The following CCDC171 variants were observed in gnomAD, a reference collection of about 807,000 sequenced individuals.
CCDC171 encodes coiled-coil domain containing 171.
In CCDC171, 177 loss-of-function variants were observed where a neutral mutation model predicts 168.2. That is an observed-to-expected ratio of 1.05 (90% CI 0.93 to 1.19). The LOEUF (loss-of-function observed/expected upper bound fraction) is 1.19, where lower values mean the gene tolerates loss of function less well. Ranked by LOEUF, CCDC171 falls within the 50% of genes most tolerant of loss-of-function variation. CCDC171 has a pLI of 0.00. For synonymous variants in CCDC171, 687 were observed against 540.8 expected, an observed-to-expected ratio of 1.27 and a Z score of -3.75; for missense variants, 1,991 against 1,539.0, an observed-to-expected ratio of 1.29 and a Z score of -4.91.
At chr9:15,628,838 A>C (rs897782135) in intron 7 of CCDC171, among the ~76,000 whole-genome samples, 5 of 152,190 alleles carry the variant, frequency 3.3e-5, no homozygotes, top group African/African-American at 1.2e-4. Flanking sequence ...CAAAACTTCC[A>C]GAGGAACGAT....
At chr9:15,751,239 T>C (rs529044828) in intron 18 of CCDC171, among the ~76,000 whole-genome samples, 1 of 152,296 alleles carries the variant, frequency 6.6e-6, no homozygotes, top group East Asian at 1.9e-4. Context: ...GAAGGACCTC[T>C]TCAAGGAGAA....
intron 6 of CCDC171, among the ~76,000 whole-genome samples, chr9:15,618,315 C>T (rs965106590): frequency 6.6e-6 from 1 of 152,208 alleles, no homozygotes; most frequent in Non-Finnish European, 1.5e-5. Context: ...CTCCTTAGCA[C>T]TATCAGGAGA....
At chr9:15,908,106 AG>A (rs747702276) in intron 24 of CCDC171, among the ~76,000 whole-genome samples, 2 of 151,582 alleles carry the variant, frequency 1.3e-5, no homozygotes, top group Non-Finnish European at 2.9e-5. Context: ...GCGATTCCTC[AG>A]GGATCTAGAA....
intron 1 of CCDC171, among the ~76,000 whole-genome samples, chr9:16,047,574 A>G (rs1833681208): frequency 1.3e-5 from 2 of 152,198 alleles, no homozygotes; most frequent in Admixed American, 1.3e-4. Context: ...GACCATCACC[A>G]AATTCTATTT....
intron 7 of CCDC171, among the ~76,000 whole-genome samples, chr9:15,642,112 G>C (rs547761946): frequency 1.9e-4 from 29 of 151,902 alleles, no homozygotes; most frequent in Non-Finnish European, 1.5e-5. Context: ...AGTGAGCTGA[G>C]ATTGCACCAC....
chr9:15,806,282 C>T (rs1401529422), intron 21 of CCDC171, among the ~76,000 whole-genome samples: 2 of 150,438 alleles, frequency 1.3e-5, no homozygotes, highest in Non-Finnish European at 3.0e-5. Context: ...CATAATGATG[C>T]TAGATGGTTA....
At chr9:16,103,223 G>A in the CCDC171 span, among the ~76,000 whole-genome samples, 1 of 152,222 alleles carries the variant, frequency 6.6e-6, no homozygotes, top group Admixed American at 6.5e-5. Context: ...AGATAAGGGG[G>A]ATTTGCATGC....
At chr9:15,880,290 A>G (rs954254950) in intron 24 of CCDC171, among the ~76,000 whole-genome samples, 1 of 152,184 alleles carries the variant, frequency 6.6e-6, no homozygotes, top group Non-Finnish European at 1.5e-5. Context: ...GTTGTTGTCT[A>G]TAGGAGTTTG....
intron 25 of CCDC171, among the ~76,000 whole-genome samples, chr9:15,944,378 T>G (rs1828056111): frequency 6.6e-6 from 1 of 151,998 alleles, no homozygotes; most frequent in Non-Finnish European, 1.5e-5. Context: ...GATATATAGT[T>G]TTTGAGCCAG....
At chr9:15,865,324 TATAC>T (rs556960142) in intron 23 of CCDC171, among the ~76,000 whole-genome samples, 6 of 151,886 alleles carry the variant, frequency 4.0e-5, no homozygotes, top group African/African-American at 1.5e-4. Context: ...GGGAAACAAA[TATAC>T]ATACATACAT....
At chr9:16,046,525 A>G (rs747199889) in intron 1 of CCDC171, among the ~76,000 whole-genome samples, 4 of 152,156 alleles carry the variant, frequency 2.6e-5, no homozygotes, top group South Asian at 2.1e-4. Flanking sequence ...TGACACAGTG[A>G]TATGGTTTGG....
chr9:15,661,067 T>G (rs1429674869), intron 8 of CCDC171, among the ~76,000 whole-genome samples: 1 of 152,074 alleles, frequency 6.6e-6, no homozygotes, highest in African/African-American at 2.4e-5. Flanking sequence ...GATCATGAGG[T>G]CAGGAGATCG....
At chr9:15,886,156 T>A (rs1819367078) in intron 24 of CCDC171, 1 of 152,086 alleles carries the variant, frequency 6.6e-6, no homozygotes. Context: ...TAGAAAGACC[T>A]AATGCCATAA....
At chr9:15,906,363 T>C (rs562244913) in intron 24 of CCDC171, among the ~76,000 whole-genome samples, 1 of 152,246 alleles carries the variant, frequency 6.6e-6, no homozygotes, top group East Asian at 1.9e-4. Flanking sequence ...GCAAAGCTGG[T>C]TCAACATACG....
intron 21 of CCDC171, among the ~76,000 whole-genome samples, chr9:15,844,346 A>G (rs745336621): frequency 2.7e-4 from 41 of 151,970 alleles, no homozygotes; most frequent in Non-Finnish European, 5.3e-4. Flanking sequence ...ATACACAAAT[A>G]TATTTTTCTT....
intron 6 of CCDC171, among the ~76,000 whole-genome samples, chr9:15,619,866 G>C (rs528920763): frequency 6.6e-6 from 1 of 152,130 alleles, no homozygotes; most frequent in Non-Finnish European, 1.5e-5. Context: ...TTAAGTTGAA[G>C]CCATTGCTCA....
chr9:15,742,399 A>T (rs992943232), intron 16 of CCDC171, among the ~76,000 whole-genome samples: 1 of 152,170 alleles, frequency 6.6e-6, no homozygotes, highest in Non-Finnish European at 1.5e-5. Flanking sequence ...AATTATTTGC[A>T]TCCTTAGAGC....
rs1588825869 is a variant in CCDC171, at chr9:15,846,723, G to T, written c.3289G>T (p.Glu1097Ter). 1 of 1,613,018 alleles carries T rather than the reference G, an allele frequency of 6.2e-7. No individual in the cohort carries two copies. Among genetic ancestry groups the T allele is most frequent in the South Asian group, 1.1e-5 (1 of 91,018 alleles). Residue 1097 changes from glutamate (E) to a stop codon, truncating the protein, a stop_gained, in exon 22 of 26, where the codon GAG becomes TAG. Coordinates refer to ENST00000380701, the MANE Select transcript of CCDC171 (RefSeq NM_173550.4). LOFTEE classifies it high-confidence loss of function. Reference sequence around the variant, plus strand: ...GCAGAGTCTCTCCGAGGCAAAGATGGAGCTGAGAAGAAAAGATCAATCTCT... The same window carrying T: ...GCAGAGTCTCTCCGAGGCAAAGATGTAGCTGAGAAGAAAAGATCAATCTCT... The part of the protein sequence containing the change: ...AVKSLSEAKM[E>*]LRRKDQSLRQ...
At chr9:15,959,203 T>A (rs3008669) in intron 25 of CCDC171, among the ~76,000 whole-genome samples, 126,394 of 152,130 alleles carry the variant, frequency 0.83, 52,617 homozygotes, top group East Asian at 0.96. Context: ...TCTAGGGTCA[T>A]TGTAAGGATG....
Sources: allele counts gnomAD v4.1 joint callset (sites outside exome capture counted in the v4.1 genomes callset), GRCh38; gene constraint gnomAD v4.1.1; transcripts MANE v1.5; gene names NCBI Gene and HGNC (gene_info 2026-07-23, HGNC 2026-07-21).